The following PDE4D variants were observed in gnomAD, a reference collection of about 807,000 sequenced individuals.
PDE4D encodes phosphodiesterase 4D.
A neutral mutation model predicts 87.4 loss-of-function variants in PDE4D; 24 were observed. The observed-to-expected ratio is 0.27, with a 90% CI of 0.20 to 0.39. The LOEUF (loss-of-function observed/expected upper bound fraction) is 0.39. PDE4D is among the 10% of genes least tolerant of loss of function. PDE4D has a pLI of 1.00. For synonymous variants in PDE4D, 384 were observed against 383.2 expected, an observed-to-expected ratio of 1.00 and a Z score of -0.02; for missense variants, 714 against 1,041.0, an observed-to-expected ratio of 0.69 and a Z score of 4.32.
At chr5:59,064,536 A>G (rs1156579583) in intron 5 of PDE4D, among the ~76,000 whole-genome samples, 2 of 152,170 alleles carry the variant, frequency 1.3e-5, no homozygotes, top group East Asian at 1.9e-4. Context: ...GTGATTTATC[A>G]TAATAAACCA....
intron 1 of PDE4D, among the ~76,000 whole-genome samples, chr5:59,663,799 T>A (rs1397508927): frequency 6.6e-6 from 1 of 152,122 alleles, no homozygotes; most frequent in East Asian, 1.9e-4. Context: ...ACAGAAAGTA[T>A]CAAAATATAC....
chr5:59,232,811 CAT>C (rs139070531), intron 1 of PDE4D, among the ~76,000 whole-genome samples: 12,303 of 143,386 alleles, frequency 0.086, 1,406 homozygotes, highest in East Asian at 0.54. Flanking sequence ...AGAGAAAATA[CAT>C]ATATATATAT....
At chr5:59,041,365 T>A (rs1383978165) in intron 5 of PDE4D, among the ~76,000 whole-genome samples, 4 of 152,230 alleles carry the variant, frequency 2.6e-5, no homozygotes, top group Non-Finnish European at 5.9e-5. Context: ...ACAATCATTT[T>A]CATTTTACTG....
chr5:59,980,684 C>A lies in PDE4D; in HGVS notation c.272+7804G>T, dbSNP rs538685515. Reference sequence around the variant, plus strand: ...ATTCAGCATATCCTTAATGGGGACACCAGAATGTACTACAATAATGAAAAG... The same window carrying A: ...ATTCAGCATATCCTTAATGGGGACAACAGAATGTACTACAATAATGAAAAG... On this transcript the variant is annotated intron_variant, in intron 3 of 16. Coordinates refer to the PDE4D transcript ENST00000502484. Among the ~76,000 whole-genome samples the A allele has an allele frequency of 3.9e-5, 6 of 152,166 alleles. No homozygotes were observed. The South Asian group carries it at 1.2e-3, about 32-fold the overall frequency.
intron 2 of PDE4D, among the ~76,000 whole-genome samples, chr5:60,175,033 T>C (rs1783792206): frequency 1.3e-5 from 2 of 152,118 alleles, no homozygotes; most frequent in African/African-American, 4.8e-5. Context: ...CTCTTTCCTC[T>C]CCTTCTGTCA....
chr5:59,498,879 CA>C (rs1249795293), intron 1 of PDE4D, among the ~76,000 whole-genome samples: 1 of 151,924 alleles, frequency 6.6e-6, no homozygotes, highest in East Asian at 1.9e-4. Context: ...AAAAAACTAA[CA>C]AAAAATTTTG....
At chr5:59,668,892 AAGAAGAAGAAGAAGAAGAAGAAGAAG>A (rs1746658728) in intron 1 of PDE4D, among the ~76,000 whole-genome samples, 1 of 78,482 alleles carries the variant, frequency 1.3e-5, no homozygotes, top group East Asian at 1.4e-3. Flanking sequence ...GAAGAAGAAG[AAGAAGAAGAAGAAGAAGAAGAAGAAG>A]AAGAAAGAAA....
chr5:60,473,315 A>C (rs1748002788), intron 1 of PDE4D, among the ~76,000 whole-genome samples: 1 of 152,084 alleles, frequency 6.6e-6, no homozygotes, highest in Admixed American at 6.5e-5. Context: ...AGGGAGAAAG[A>C]GACCTCCTAT....
At chr5:59,409,101 T>C (rs1792209344) in intron 1 of PDE4D, among the ~76,000 whole-genome samples, 3 of 151,408 alleles carry the variant, frequency 2.0e-5, no homozygotes, top group Admixed American at 6.6e-5. Flanking sequence ...TGAGCCAAGA[T>C]TGCACCATTG....
chr5:60,036,486 T>C (rs1028689212), intron 2 of PDE4D, among the ~76,000 whole-genome samples: 2 of 152,194 alleles, frequency 1.3e-5, no homozygotes, highest in Non-Finnish European at 2.9e-5. Flanking sequence ...TGTTGGTGAA[T>C]TTACACAGGC....
chr5:59,088,190 CA>C (rs1194027425), intron 5 of PDE4D, among the ~76,000 whole-genome samples: 1 of 152,112 alleles, frequency 6.6e-6, no homozygotes, highest in Non-Finnish European at 1.5e-5. Context: ...TCTGGGAATA[CA>C]AAAATTCATA....
At chr5:59,781,114 G>A (rs1297785378) in intron 1 of PDE4D, among the ~76,000 whole-genome samples, 5 of 149,078 alleles carry the variant, frequency 3.4e-5, no homozygotes, top group African/African-American at 9.9e-5. Context: ...TATGGTGAGC[G>A]GAGGTCACAC....
chr5:59,606,389 T>C (rs1828203926), intron 1 of PDE4D, among the ~76,000 whole-genome samples: 1 of 152,146 alleles, frequency 6.6e-6, no homozygotes, highest in Non-Finnish European at 1.5e-5. Context: ...GTCTGTCTTC[T>C]GGGGAAGACT....
At chr5:60,511,310 A>T (rs1750562592) in intron 1 of PDE4D, among the ~76,000 whole-genome samples, 1 of 152,082 alleles carries the variant, frequency 6.6e-6, no homozygotes, top group Non-Finnish European at 1.5e-5. Context: ...GTTGTTAGAG[A>T]CTCAATAAAT....
intron 2 of PDE4D, among the ~76,000 whole-genome samples, chr5:60,017,930 CT>C (rs1765679799): frequency 6.6e-6 from 1 of 152,176 alleles, no homozygotes; most frequent in African/African-American, 2.4e-5. Context: ...AAAAGCGTTC[CT>C]ATTTCTCCAC....
intron 1 of PDE4D, among the ~76,000 whole-genome samples, chr5:59,494,988 TC>T (rs1325905252): frequency 4.6e-5 from 7 of 152,176 alleles, no homozygotes; most frequent in Non-Finnish European, 1.0e-4. Flanking sequence ...CCCCTACAAT[TC>T]CCACCTAAGG....
chr5:60,467,775 T>C (rs1223538729), intron 1 of PDE4D, among the ~76,000 whole-genome samples: 1 of 151,834 alleles, frequency 6.6e-6, no homozygotes, highest in South Asian at 2.1e-4. Flanking sequence ...TGATGGAAGG[T>C]GAAGGGGAAG....
chr5:59,446,888 C>G (rs563972416), intron 1 of PDE4D, among the ~76,000 whole-genome samples: 2 of 152,190 alleles, frequency 1.3e-5, no homozygotes, highest in Non-Finnish European at 2.9e-5. Flanking sequence ...TCTGTTTAGA[C>G]TTTTTGGTTG....
intron 5 of PDE4D, among the ~76,000 whole-genome samples, chr5:59,060,208 G>A (rs1026536065): frequency 6.6e-6 from 1 of 152,124 alleles, no homozygotes; most frequent in African/African-American, 2.4e-5. Context: ...TTTAGCAACA[G>A]AGGCTACACC....
Sources: allele counts gnomAD v4.1 joint callset (sites outside exome capture counted in the v4.1 genomes callset), GRCh38; gene constraint gnomAD v4.1.1; transcripts MANE v1.5; gene names NCBI Gene and HGNC (gene_info 2026-07-23, HGNC 2026-07-21).